RAD51B: variants seen among roughly 807,000 people sequenced by gnomAD.
The protein encoded by RAD51B is DNA repair protein RAD51 homolog 2.
A neutral mutation model predicts 42.2 loss-of-function variants in RAD51B; 38 were observed. The observed-to-expected ratio is 0.90, with a 90% CI of 0.70 to 1.18. RAD51B has a LOEUF of 1.18. RAD51B is among the 50% of genes most tolerant of loss of function. The pLI is 0.00. For synonymous variants in RAD51B, 154 were observed against 145.2 expected (o/e 1.06, Z -0.43); for missense variants, 373 against 400.7 (o/e 0.93, Z 0.59).
At chr14:68,452,863 C>T (rs1379914323) in intron 9 of RAD51B, among the ~76,000 whole-genome samples, 1 of 152,160 alleles carries the variant, frequency 6.6e-6, no homozygotes, top group Non-Finnish European at 1.5e-5. Flanking sequence ...TACCCAAAAT[C>T]ATATAGCCAA....
chr14:68,154,311 C>T (rs994631007), intron 7 of RAD51B, among the ~76,000 whole-genome samples: 2 of 152,166 alleles, frequency 1.3e-5, no homozygotes, highest in African/African-American at 4.8e-5. Flanking sequence ...TAATCATTCC[C>T]CACCATCAAG....
chr14:68,674,536 A>G (rs1893264954), intron 11 of RAD51B, among the ~76,000 whole-genome samples: 1 of 151,976 alleles, frequency 6.6e-6, no homozygotes, highest in South Asian at 2.1e-4. Flanking sequence ...ATATAATGTT[A>G]CCAATTTTAT....
At chr14:68,506,107 G>A (rs746269580) in intron 10 of RAD51B, among the ~76,000 whole-genome samples, 1 of 152,080 alleles carries the variant, frequency 6.6e-6, no homozygotes, top group Non-Finnish European at 1.5e-5. Context: ...GACACAGTGT[G>A]CCCCCAGGCA....
At position 68,559,384 on chromosome 14, in the gene RAD51B, A is replaced by G. The variant is rs1380443629; in HGVS notation, c.1037-35101A>G. Among the ~76,000 whole-genome samples, 4 of 142,420 alleles carry G rather than the reference A, an allele frequency of 2.8e-5. No homozygotes were observed. In the East Asian group the frequency reaches 8.1e-4, roughly 29 times the overall value. The allele number at this position is 142,420 out of a possible 152,430, so 93.4% of individuals were successfully genotyped here. On this transcript the variant is annotated intron_variant, in intron 10 of 10. Coordinates refer to the RAD51B transcript ENST00000487270. ...TGTGATTAATACACATCCCAGGGGC[A>G]TTTTTTTTTTTTTTGAGATGGAGTC...
Position 68,133,373 on chromosome 14 carries a change from GA to G in RAD51B, c.757-158509del, listed in dbSNP as rs1431400232. 7.2e-5 allele frequency among the ~76,000 whole-genome samples: 11 copies of G among 152,360 alleles called. 1 individual carries two copies. The highest frequency in any genetic ancestry group is 2.0e-4 in the Admixed American group (3 of 15,304). ...GGAAAATGTTTTATTTTCTAAAAAT[GA>G]ATGTCTGGTAGAAGAGAAGTCATGT... On this transcript the variant is annotated intron_variant, in intron 7 of 10. Transcript: ENST00000471583.
chr14:67,968,326 C>G (rs1195936705), intron 7 of RAD51B, among the ~76,000 whole-genome samples: 1 of 152,214 alleles, frequency 6.6e-6, no homozygotes, highest in African/African-American at 2.4e-5. Flanking sequence ...CATTCAGCTC[C>G]TTCTTGTGCA....
At chr14:68,016,966 C>T (rs997503421) in intron 7 of RAD51B, among the ~76,000 whole-genome samples, 1 of 151,986 alleles carries the variant, frequency 6.6e-6, no homozygotes, top group Non-Finnish European at 1.5e-5. Context: ...ATAGAATGAT[C>T]AAAATTTAAA....
intron 8 of RAD51B, among the ~76,000 whole-genome samples, chr14:68,351,734 A>T (rs2082794144): frequency 6.6e-6 from 1 of 152,206 alleles, no homozygotes; most frequent in African/African-American, 2.4e-5. Flanking sequence ...GGATTAGACC[A>T]CAGTCAGGGA....
intron 8 of RAD51B, among the ~76,000 whole-genome samples, chr14:68,292,786 T>C (rs1337743855): frequency 6.6e-6 from 1 of 152,242 alleles, no homozygotes; most frequent in African/African-American, 2.4e-5. Flanking sequence ...CTTTGCTTTA[T>C]GGTCTTAGAA....
intron 9 of RAD51B, among the ~76,000 whole-genome samples, chr14:68,422,585 G>T (rs1029693576): frequency 6.6e-6 from 1 of 151,606 alleles, no homozygotes; most frequent in African/African-American, 2.4e-5. Flanking sequence ...AAAATTAGGG[G>T]TAGAGGAATG....
At chr14:67,967,531 T>C (rs2074806115) in intron 7 of RAD51B, among the ~76,000 whole-genome samples, 1 of 152,178 alleles carries the variant, frequency 6.6e-6, no homozygotes, top group South Asian at 2.1e-4. Context: ...AATACAGCCA[T>C]TTCAGATGGG....
chr14:68,016,173 A>G (rs34588410), intron 7 of RAD51B, among the ~76,000 whole-genome samples: 26,314 of 152,120 alleles, frequency 0.17, 2,437 homozygotes, highest in Middle Eastern at 0.35. Context: ...GTATGCCTCT[A>G]TTTTTTAAGG....
intron 10 of RAD51B, among the ~76,000 whole-genome samples, chr14:68,609,294 C>T (rs535868984): frequency 1.3e-5 from 2 of 152,286 alleles, no homozygotes; most frequent in African/African-American, 2.4e-5. Context: ...GTCTGGCTCT[C>T]CCCTGAGGCC....
Position 67,986,103 on chromosome 14 carries a change from C to T in RAD51B, c.756+98899C>T, listed in dbSNP as rs550687914. Among the ~76,000 whole-genome samples the T allele has an allele frequency of 9.2e-5, 14 of 152,198 alleles. No homozygotes were observed. The East Asian group carries it at 1.4e-3, about 15-fold the overall frequency. The stretch of plus-strand genomic sequence containing the variant: ...CACGTACGTGCTATGGTGCTGTGTG[C>T]GCAAGTTGAGTCCTCTTTTCCAAAA... On this transcript the variant is annotated intron_variant, in intron 7 of 10. Coordinates refer to ENST00000471583, the MANE Select transcript of RAD51B (RefSeq NM_133510.4).
At chr14:68,625,753 G>A (rs1047020229) in intron 10 of RAD51B, among the ~76,000 whole-genome samples, 5 of 152,198 alleles carry the variant, frequency 3.3e-5, no homozygotes, top group Non-Finnish European at 5.9e-5. Context: ...TCCTACAATG[G>A]GTTCTCAGCT....
Position 68,389,825 on chromosome 14 carries a change from C to T in RAD51B, c.854-21599C>T, listed in dbSNP as rs149029493. Reference sequence around the variant, plus strand: ...CCAAAAGACTTCCAAATAAAGGTAGCGAACAAATGGATCACTGATTGCTAG... The same window carrying T: ...CCAAAAGACTTCCAAATAAAGGTAGTGAACAAATGGATCACTGATTGCTAG... On this transcript the variant is annotated intron_variant, in intron 8 of 10. Transcript: ENST00000471583. Among the ~76,000 whole-genome samples, 30 of 152,300 alleles carry T rather than the reference C, an allele frequency of 2.0e-4. No homozygotes were observed. In the South Asian group the frequency reaches 3.3e-3, roughly 17 times the overall value.
chr14:68,528,093 A>G (rs962731309), intron 10 of RAD51B, among the ~76,000 whole-genome samples: 2 of 152,194 alleles, frequency 1.3e-5, no homozygotes, highest in African/African-American at 4.8e-5. Context: ...CTGTTGCTAA[A>G]GCCATGAGAA....
In RAD51B at chr14:68,199,263, T is replaced by C. The variant is rs182367203; in HGVS notation, c.757-92621T>C. Among the ~76,000 whole-genome samples, 23 of 152,306 alleles carry C rather than the reference T, an allele frequency of 1.5e-4. No homozygotes were observed. The East Asian group carries it at 4.1e-3, about 27-fold the overall frequency. On this transcript the variant is annotated intron_variant, in intron 7 of 10. Transcript: ENST00000471583. ...GAAAGACTATTTTTTTTCCTTACTC[T>C]GAACACTATACTTCTGCTAATCTGG... is the stretch of plus-strand genomic sequence containing the variant.
intron 7 of RAD51B, among the ~76,000 whole-genome samples, chr14:68,234,854 A>G (rs1419000450): frequency 6.6e-6 from 1 of 152,234 alleles, no homozygotes; most frequent in East Asian, 1.9e-4. Flanking sequence ...CAATAAATTA[A>G]GTGTAATTAC....
Sources: allele counts gnomAD v4.1 joint callset (sites outside exome capture counted in the v4.1 genomes callset), GRCh38; gene constraint gnomAD v4.1.1; transcripts MANE v1.5; gene names NCBI Gene and HGNC (gene_info 2026-07-23, HGNC 2026-07-21).